The following DIP2A variants were observed in gnomAD, a reference collection of about 807,000 sequenced individuals.
DIP2A encodes the protein DIP2 acetate--CoA ligase A, also known as disco-interacting protein 2 homolog A.
A neutral mutation model predicts 177.4 loss-of-function variants in DIP2A; 85 were observed. That is an observed-to-expected ratio of 0.48 (90% CI 0.40 to 0.57). The LOEUF is 0.57. DIP2A is among the 20% of genes least tolerant of loss of function. The pLI, the probability that DIP2A is intolerant of heterozygous loss-of-function variation, is 0.00. For missense variants in DIP2A, 1,791 were observed against 2,100.2 expected (o/e 0.85, Z 2.88); for synonymous variants, 886 against 881.8 (o/e 1.00, Z -0.08).
At position 46,566,574 on chromosome 21, in the gene DIP2A, C is replaced by G; in HGVS notation, c.4354C>G (p.Leu1452Val). 1 of 1,614,100 alleles carries G rather than the reference C, an allele frequency of 6.2e-7. No individual in the cohort carries two copies. The highest frequency in any genetic ancestry group is 8.5e-7 in the Non-Finnish European group (1 of 1,179,958). ...ACTGTTCACAGGGCGGCACGATGCA[C>G]TGTATGTGGTTGGGTCTCTGGATGA... Reference protein sequence around the residue: ...TDASGGRHDALYVVGSLDETL... With the variant: ...TDASGGRHDAVYVVGSLDETL... Residue 1452 changes from leucine to valine, a missense_variant, in exon 37 of 38, where the codon CTG (leucine) becomes GTG (valine). Leu to Val is a conservative substitution (Grantham distance 32). Transcript: ENST00000417564.
At chr21:46,515,623 A>AC (rs2058538690) in intron 8 of DIP2A, among the ~76,000 whole-genome samples, 1 of 151,176 alleles carries the variant, frequency 6.6e-6, no homozygotes, top group Non-Finnish European at 1.5e-5. Flanking sequence ...TGCAAGCTCC[A>AC]CCCCCCAGGC....
Position 46,498,608 on chromosome 21 carries a change from GGCTCTTT to G in DIP2A, c.431_437del (p.Gly144AspfsTer73). ...CACGTCGTCTGCCTCAGAAGATGAG[GGCTCTTT>G]ACGGCGACCCGGGCGACTCACCTCC... On this transcript the variant is annotated frameshift_variant, in exon 5 of 38. Transcript: ENST00000417564. LOFTEE classifies it high-confidence loss of function. This position sits in a 1 kb window ranked among gnomAD's most constrained non-coding sequence, Gnocchi z 4.3. 6.2e-7 allele frequency: 1 copy of G among 1,611,296 alleles called. No individual in the cohort carries two copies.
chr21:46,534,449 G>A, intron 12 of DIP2A, 136 bp from the exon 13 acceptor site: 1 of 839,182 alleles, frequency 1.2e-6, no homozygotes, highest in Non-Finnish European at 1.9e-6. Context: ...CCATGTACCT[G>A]GGCTGCTGGT....
In DIP2A at chr21:46,554,427, T is replaced by G. The variant is rs931218730; in HGVS notation, c.3154+135T>G. 11 of 1,543,294 alleles carry G rather than the reference T, an allele frequency of 7.1e-6. No individual in the cohort carries two copies. The East Asian group carries it at 1.6e-4, about 22-fold the overall frequency. On this transcript the variant is annotated intron_variant, in intron 26 of 37. Coordinates refer to ENST00000417564, the MANE Select transcript of DIP2A (RefSeq NM_015151.4). ...CCCCTCCTCTCTGCATGTGTCTGCC[T>G]CCTCAGCTCAGCTACCCCTGTGGAA...
In DIP2A at chr21:46,509,349, G is replaced by T; in HGVS notation, c.877G>T (p.Val293Leu). 6.2e-7 allele frequency: 1 copy of T among 1,612,622 alleles called. No homozygotes were observed. The highest frequency in any genetic ancestry group is 1.1e-5 in the South Asian group (1 of 90,802). Residue 293 changes from valine (V) to leucine (L), a missense_variant, in exon 7 of 38, where the codon GTG becomes TTG. Physicochemically the swap from Val to Leu is conservative, Grantham distance 32. Transcript: ENST00000417564. ...GCGCCCTCCACTGAAGGAGTTCTTT[G>T]TGGATGATTTTGAGGAATTGTTGGA... ...PKRPPLKEFF[V>L]DDFEELLEVQ...
intron 26 of DIP2A, 63 bp downstream of exon 26, chr21:46,554,355 C>T: frequency 6.3e-7 from 1 of 1,588,794 alleles, no homozygotes; most frequent in Non-Finnish European, 8.6e-7. Context: ...TCCTAAGCAG[C>T]CCCCTAGACA....
chr21:46,573,645 CAAAAAAAAAAAAAAAAAAAAA>C (rs201994694), downstream of DIP2A, among the ~76,000 whole-genome samples: 36 of 52,980 alleles, frequency 6.8e-4, no homozygotes, highest in African/African-American at 2.7e-3. Context: ...CCCTCTCTCA[CAAAAAAAAAAAAAAAAAAAAA>C]AAAAAAAAAA....
intron 3 of DIP2A, among the ~76,000 whole-genome samples, chr21:46,494,932 G>GT (rs1232153783): frequency 4.6e-5 from 7 of 151,968 alleles, no homozygotes; most frequent in African/African-American, 9.7e-5. Flanking sequence ...ATTTCTAAGG[G>GT]TTTTTTTTAA....
intron 8 of DIP2A, among the ~76,000 whole-genome samples, chr21:46,516,486 TTC>T (rs1491241465): frequency 1.4e-5 from 2 of 138,306 alleles, no homozygotes; most frequent in Non-Finnish European, 3.2e-5. Context: ...CTTCTGAAAT[TTC>T]TTTTTTTTTT....
chr21:46,541,452 G>A (rs2059813850), intron 17 of DIP2A, among the ~76,000 whole-genome samples: 1 of 152,160 alleles, frequency 6.6e-6, no homozygotes, highest in Non-Finnish European at 1.5e-5. Flanking sequence ...CAGGGCTCCA[G>A]GCGAGTGTCC....
intron 3 of DIP2A, among the ~76,000 whole-genome samples, chr21:46,496,083 T>C (rs944903308): frequency 6.6e-6 from 1 of 151,310 alleles, no homozygotes. Context: ...AAAAAAAAAT[T>C]TTTTTTTCAG....
chr21:46,489,877 C>T (rs1329088185), intron 2 of DIP2A, among the ~76,000 whole-genome samples: 4 of 152,136 alleles, frequency 2.6e-5, no homozygotes, highest in Admixed American at 6.5e-5. Flanking sequence ...CTTCGCTCAC[C>T]GTAATGTGTC....
rs572277026 is a variant in DIP2A, at chr21:46,496,918, A to T, written c.284-70A>T. 5 of 1,462,484 alleles carry T rather than the reference A, an allele frequency of 3.4e-6. No individual in the cohort carries two copies. In the African/African-American group the frequency reaches 7.2e-5, roughly 21 times the overall value. 90.6% of individuals were successfully genotyped at this position (1,462,484 alleles called of 1,614,324 possible). A position where few individuals can be genotyped will look rare whatever the true frequency, so the allele number is the denominator to read the frequency against. Reference sequence around the variant, plus strand: ...ACCCCCACTGAAAACAAACAAAAACATGAAACTTAATTTGTTACTTTATAA... The same window carrying T: ...ACCCCCACTGAAAACAAACAAAAACTTGAAACTTAATTTGTTACTTTATAA... On this transcript the variant is annotated intron_variant, in intron 3 of 37. Transcript: ENST00000417564.
At chr21:46,536,250 A>G (rs2059564215) in intron 13 of DIP2A, among the ~76,000 whole-genome samples, 1 of 152,232 alleles carries the variant, frequency 6.6e-6, no homozygotes, top group African/African-American at 2.4e-5. Context: ...AGGTCTGCCC[A>G]CAGCCCCAGG....
At chr21:46,497,196 T>G in intron 4 of DIP2A, 89 bp downstream of exon 4, 1 of 1,484,182 alleles carries the variant, frequency 6.7e-7, no homozygotes, top group East Asian at 2.4e-5. Context: ...AGTTGGAATA[T>G]CCGTCTGGCC....
At chr21:46,526,397 C>CTTTTTTTTTTTTT (rs1357295827) in intron 8 of DIP2A, among the ~76,000 whole-genome samples, 3 of 138,992 alleles carry the variant, frequency 2.2e-5, no homozygotes, top group African/African-American at 5.3e-5. Flanking sequence ...ACGTTCATTC[C>CTTTTTTTTTTTTT]TTTTTTTTTT....
intron 9 of DIP2A, among the ~76,000 whole-genome samples, chr21:46,530,668 C>A (rs757036170): frequency 6.6e-5 from 10 of 152,048 alleles, no homozygotes; most frequent in Non-Finnish European, 1.5e-4. Flanking sequence ...GAAAGGAGAA[C>A]AGAAAGTAGA....
At chr21:46,475,216 T>C (rs984700450) in intron 1 of DIP2A, among the ~76,000 whole-genome samples, 6 of 152,260 alleles carry the variant, frequency 3.9e-5, no homozygotes, top group African/African-American at 9.6e-5. Context: ...CATGAATGTT[T>C]AGTAAGAATT....
At chr21:46,545,796 C>A in intron 19 of DIP2A, 85 bp from the exon 20 acceptor site, 1 of 1,502,970 alleles carries the variant, frequency 6.7e-7, no homozygotes, top group South Asian at 1.2e-5. Flanking sequence ...ACACGTGGTG[C>A]TGAGCCTCCT....
Sources: gnomAD v4.1 joint callset for allele counts (sites outside exome capture counted in the v4.1 genomes callset) on GRCh38, gnomAD v4.1.1 for gene constraint, Gnocchi (gnomAD v3.1) non-coding constraint, MANE v1.5 for transcripts, NCBI Gene and HGNC (gene_info 2026-07-23, HGNC 2026-07-21) for gene names.